HAO1: variants seen among roughly 807,000 people sequenced by gnomAD.
HAO1 encodes the protein 2-Hydroxyacid oxidase 1.
In HAO1, 34 loss-of-function variants were observed where a neutral mutation model predicts 39.7. That is an observed-to-expected ratio of 0.86 (90% CI 0.65 to 1.14). The LOEUF (loss-of-function observed/expected upper bound fraction) is 1.14. Ranked by LOEUF, HAO1 falls within the 50% of genes most tolerant of loss-of-function variation. The pLI is 0.00. For missense variants in HAO1, 479 were observed against 464.5 expected, an observed-to-expected ratio of 1.03 and a Z score of -0.29; for synonymous variants, 172 against 173.2, an observed-to-expected ratio of 0.99 and a Z score of 0.05.
chr20:7,926,681 C>A (rs1372509089), intron 2 of HAO1, among the ~76,000 whole-genome samples: 1 of 152,198 alleles, frequency 6.6e-6, no homozygotes, highest in East Asian at 1.9e-4. Context: ...TGTTACTCTG[C>A]AATCTGTTCC....
intron 1 of HAO1, among the ~76,000 whole-genome samples, chr20:7,936,282 C>G (rs2050409596): frequency 6.6e-6 from 1 of 152,138 alleles, no homozygotes; most frequent in Admixed American, 6.6e-5. Flanking sequence ...GACGGACCCT[C>G]ACAGCATGAT....
At chr20:7,918,617 C>A (rs1032331362) in intron 2 of HAO1, among the ~76,000 whole-genome samples, 1 of 152,080 alleles carries the variant, frequency 6.6e-6, no homozygotes, top group African/African-American at 2.4e-5. Flanking sequence ...GCCGGCAGAG[C>A]GGGGGGCATC....
At chr20:7,885,011 A>G (rs2050144300) in intron 7 of HAO1, among the ~76,000 whole-genome samples, 1 of 152,024 alleles carries the variant, frequency 6.6e-6, no homozygotes, top group Non-Finnish European at 1.5e-5. Context: ...TATTTTGAAG[A>G]TCGAGCCCCT....
intron 3 of HAO1, among the ~76,000 whole-genome samples, chr20:7,912,243 A>G (rs1179012438): frequency 6.6e-6 from 1 of 152,104 alleles, no homozygotes; most frequent in Non-Finnish European, 1.5e-5. Flanking sequence ...AAAAGGGGGG[A>G]AAGCAAATCA....
At chr20:7,929,651 G>A (rs1354075754) in intron 2 of HAO1, among the ~76,000 whole-genome samples, 3 of 152,104 alleles carry the variant, frequency 2.0e-5, no homozygotes, top group South Asian at 2.1e-4. Flanking sequence ...AGATCATGAG[G>A]TCAGGAGATC....
At chr20:7,900,105 A>T (rs2050214858) in intron 4 of HAO1, among the ~76,000 whole-genome samples, 1 of 152,188 alleles carries the variant, frequency 6.6e-6, no homozygotes, top group Non-Finnish European at 1.5e-5. Context: ...CGGACACATG[A>T]CAGCAATTTT....
intron 2 of HAO1, among the ~76,000 whole-genome samples, chr20:7,928,435 C>T (rs1175750256): frequency 6.6e-6 from 1 of 151,506 alleles, no homozygotes; most frequent in African/African-American, 2.4e-5. Context: ...AAAGATCATC[C>T]ACTTCTATGC....
At chr20:7,918,028 A>T (rs1271159889) in intron 2 of HAO1, among the ~76,000 whole-genome samples, 1 of 152,216 alleles carries the variant, frequency 6.6e-6, no homozygotes, top group Non-Finnish European at 1.5e-5. Context: ...TTATTTTCCA[A>T]TAAGTAAATC....
intron 4 of HAO1, among the ~76,000 whole-genome samples, chr20:7,901,243 A>C (rs1284758388): frequency 6.6e-6 from 1 of 152,170 alleles, no homozygotes; most frequent in Non-Finnish European, 1.5e-5. Flanking sequence ...TAGCTAAGAA[A>C]ATTGATGGAG....
chr20:7,899,252 A>T lies in HAO1; in HGVS notation c.722-4028T>A, dbSNP rs1455761797. Among the ~76,000 whole-genome samples the T allele has an allele frequency of 2.0e-5, 3 of 152,102 alleles. No individual in the cohort carries two copies. In the East Asian group the frequency reaches 5.8e-4, roughly 29 times the overall value. On this transcript the variant is annotated intron_variant, in intron 4 of 7. Coordinates refer to ENST00000378789, the MANE Select transcript of HAO1 (RefSeq NM_017545.3). ...CATTGTCCTAAGCCATAAAATGAGGATAGAGATCCACATATGATTAGCTTG... is the reference window on the plus strand; with the variant it reads ...CATTGTCCTAAGCCATAAAATGAGGTTAGAGATCCACATATGATTAGCTTG...
At chr20:7,923,199 G>T (rs2247586) in intron 2 of HAO1, among the ~76,000 whole-genome samples, 41,542 of 151,834 alleles carry the variant, frequency 0.27, 6,242 homozygotes, top group East Asian at 0.51. Flanking sequence ...ACGCTAATCC[G>T]GAACTCCAAA....
chr20:7,890,063 C>T (rs2050167054), intron 5 of HAO1, among the ~76,000 whole-genome samples: 1 of 152,138 alleles, frequency 6.6e-6, no homozygotes, highest in Non-Finnish European at 1.5e-5. Context: ...ACTGAGGGAA[C>T]TTTGTACTTT....
chr20:7,900,674 C>T (rs1482907306), intron 4 of HAO1, among the ~76,000 whole-genome samples: 1 of 152,162 alleles, frequency 6.6e-6, no homozygotes, highest in Non-Finnish European at 1.5e-5. Flanking sequence ...TCTCCCTCTC[C>T]TCAGGCCTCC....
At chr20:7,890,610 C>G (rs1198349786) in intron 5 of HAO1, among the ~76,000 whole-genome samples, 1 of 151,974 alleles carries the variant, frequency 6.6e-6, no homozygotes, top group African/African-American at 2.4e-5. Flanking sequence ...TGAGTAAGTT[C>G]TTAAGTAGTA....
intron 1 of HAO1, among the ~76,000 whole-genome samples, chr20:7,939,667 A>G (rs2050431702): frequency 6.6e-6 from 1 of 152,240 alleles, no homozygotes; most frequent in Non-Finnish European, 1.5e-5. Context: ...ACAAACAGAA[A>G]ACATAAACCA....
chr20:7,894,289 T>G (rs1433075563), intron 5 of HAO1, among the ~76,000 whole-genome samples: 5 of 152,182 alleles, frequency 3.3e-5, no homozygotes, highest in Non-Finnish European at 7.3e-5. Flanking sequence ...TTTAGGATCT[T>G]CAGGGTCTAA....
chr20:7,911,456 T>C (rs899268913), intron 3 of HAO1, among the ~76,000 whole-genome samples: 2 of 152,128 alleles, frequency 1.3e-5, no homozygotes, highest in Non-Finnish European at 2.9e-5. Context: ...ACCATCTCCA[T>C]GGGGATATGG....
intron 1 of HAO1, among the ~76,000 whole-genome samples, chr20:7,937,934 G>A: frequency 6.6e-6 from 1 of 152,126 alleles, no homozygotes; most frequent in Admixed American, 6.5e-5. Context: ...CAACTGCTGG[G>A]TCACATGAGT....
rs1407854563 is a variant in HAO1 at position 7,940,321 on chromosome 20, TTCA to T, written c.99_101del (p.Asp33del). Reference sequence around the variant, plus strand: ...CTGCAATATTATCAGCCAAAGTTTCTTCATCATTTGCCCCAGACCTGTAATAGT... The same window carrying T: ...CTGCAATATTATCAGCCAAAGTTTCTTCATTTGCCCCAGACCTGTAATAGT... On this transcript the variant is annotated inframe_deletion, in exon 1 of 8. Coordinates refer to ENST00000378789, the MANE Select transcript of HAO1 (RefSeq NM_017545.3). 6.2e-7 allele frequency: 1 copy of T among 1,608,572 alleles called. No homozygotes were observed. The highest frequency in any genetic ancestry group is 1.3e-5 in the African/African-American group (1 of 74,534).
Sources: allele counts gnomAD v4.1 joint callset (sites outside exome capture counted in the v4.1 genomes callset), GRCh38; gene constraint gnomAD v4.1.1; transcripts MANE v1.5; gene names NCBI Gene and HGNC (gene_info 2026-07-23, HGNC 2026-07-21).